CABIN1: variants seen among roughly 807,000 people sequenced by gnomAD.
CABIN1 encodes calcineurin binding protein 1, also known as calcineurin-binding protein cabin-1.
In CABIN1, 133 loss-of-function variants were observed where a neutral mutation model predicts 227.7. That is an observed-to-expected ratio of 0.58 (90% CI 0.51 to 0.67). CABIN1 has a LOEUF of 0.67. Among genes scored for constraint, CABIN1 ranks in the 30% least tolerant of loss-of-function variants. The probability of loss-of-function intolerance (pLI) is 0.00; values close to 1 mark genes in which losing one functional copy is unlikely to be tolerated. For missense variants in CABIN1, 2,408 were observed against 2,852.5 expected, an observed-to-expected ratio of 0.84 and a Z score of 3.55; for synonymous variants, 1,086 against 1,155.1, an observed-to-expected ratio of 0.94 and a Z score of 1.21.
At chr22:24,161,037 G>A (rs2148624479) in intron 29 of CABIN1, among the ~76,000 whole-genome samples, 1 of 152,326 alleles carries the variant, frequency 6.6e-6, no homozygotes, top group Non-Finnish European at 1.5e-5. Flanking sequence ...AAGAGCAGAG[G>A]GAAGACCACC....
chr22:24,062,953 T>G lies in CABIN1; in HGVS notation c.1697-6T>G, dbSNP rs2039304932. On this transcript the variant is annotated splice_polypyrimidine_tract_variant and splice_region_variant and intron_variant, in intron 13 of 36. Coordinates refer to ENST00000263119, the MANE Select transcript of CABIN1 (RefSeq NM_012295.4). Reference sequence around the variant, plus strand: ...GAAGTTGACTCGTTGGCCTGATGGTTTTTAGTGTCTCCTCGGAACTGCCCT... The same window carrying G: ...GAAGTTGACTCGTTGGCCTGATGGTGTTTAGTGTCTCCTCGGAACTGCCCT... 6.2e-7 allele frequency: 1 copy of G among 1,613,870 alleles called. No individual in the cohort carries two copies. Among genetic ancestry groups the G allele is most frequent in the Non-Finnish European group, 8.5e-7 (1 of 1,179,854 alleles).
rs1447282180 is a variant in CABIN1, at chr22:24,071,005, C to A, written c.2438C>A (p.Thr813Asn). ...SGSILKVSSS[T>N]TGLVRLTNNL... ...AGCATCCTGAAGGTATCATCCTCCA[C>A]CACTGGCCTTGTGCGGCTCACCAAC... The change falls in exon 17 of 37, where the codon ACC becomes AAC. Residue 813 changes from threonine (T) to asparagine (N), a missense_variant. By Grantham distance (65) the Thr-to-Asn change is moderately conservative (BLOSUM62 0). This residue lies in a region of CABIN1 where 1,045 missense variants were observed against 1,168.4 expected (regional missense o/e 0.89). Transcript: ENST00000263119. 4 of 1,614,264 alleles carry A rather than the reference C, an allele frequency of 2.5e-6. No individual in the cohort carries two copies. Among genetic ancestry groups the A allele is most frequent in the Middle Eastern group, 3.3e-4 (2 of 6,062 alleles).
intron 29 of CABIN1, among the ~76,000 whole-genome samples, chr22:24,142,381 A>G (rs1478239314): frequency 1.3e-5 from 2 of 151,684 alleles, no homozygotes; most frequent in African/African-American, 4.8e-5. Flanking sequence ...CCTAGGACGA[A>G]TGACTGGGAA....
chr22:24,060,913 T>C (rs186069440), intron 12 of CABIN1, among the ~76,000 whole-genome samples: 1 of 151,778 alleles, frequency 6.6e-6, no homozygotes, highest in Non-Finnish European at 1.5e-5. Context: ...AAAAAAAAAA[T>C]TTGTTTTGTT....
At chr22:24,032,305 G>A (rs1481155517) in intron 1 of CABIN1, among the ~76,000 whole-genome samples, 2 of 152,196 alleles carry the variant, frequency 1.3e-5, no homozygotes, top group African/African-American at 4.8e-5. Context: ...TCATGTTGTA[G>A]CATGTGCTAG....
intron 20 of CABIN1, 37 bp downstream of exon 20, chr22:24,083,426 C>G: frequency 1.9e-6 from 3 of 1,611,300 alleles, no homozygotes; most frequent in Non-Finnish European, 2.5e-6. Context: ...AAGAGGGAAG[C>G]AGGAGCTGTA....
intron 18 of CABIN1, among the ~76,000 whole-genome samples, chr22:24,072,954 C>T (rs2040196215): frequency 6.6e-6 from 1 of 152,196 alleles, no homozygotes; most frequent in South Asian, 2.1e-4. Flanking sequence ...ATAACTTCAG[C>T]CTCTATTTCC....
chr22:24,121,405 C>T (rs1739272049), intron 28 of CABIN1, among the ~76,000 whole-genome samples: 1 of 152,204 alleles, frequency 6.6e-6, no homozygotes, highest in Non-Finnish European at 1.5e-5. Context: ...GAGGGAGTCT[C>T]ATCATCTGGG....
intron 1 of CABIN1, among the ~76,000 whole-genome samples, chr22:24,024,618 C>G (rs951954432): frequency 1.3e-5 from 2 of 152,108 alleles, no homozygotes; most frequent in Non-Finnish European, 2.9e-5. Context: ...CTACCCCTTT[C>G]TCTCTTCTCC....
intron 16 of CABIN1, among the ~76,000 whole-genome samples, chr22:24,070,131 G>A (rs1291723176): frequency 6.6e-6 from 1 of 151,918 alleles, no homozygotes; most frequent in African/African-American, 2.4e-5. Flanking sequence ...TAAAATAGAA[G>A]TAACAGTTCA....
In CABIN1 at chr22:24,166,757, C is replaced by G; in HGVS notation, c.5126C>G (p.Pro1709Arg). 1.2e-6 allele frequency: 2 copies of G among 1,612,846 alleles called. No individual in the cohort carries two copies. The highest frequency in any genetic ancestry group is 1.1e-5 in the South Asian group (1 of 91,084). The change falls in exon 32 of 37, where the codon CCC becomes CGC. Residue 1709 changes from proline to arginine, a missense_variant. By Grantham distance (103) the Pro-to-Arg change is moderately radical. Coordinates refer to ENST00000263119, the MANE Select transcript of CABIN1 (RefSeq NM_012295.4). The part of the protein sequence containing the change: ...GQEGLPQPKK[P>R]PLADGSGPGP... ...GAGGGCCTCCCCCAGCCGAAGAAGC[C>G]CCCTCTGGCTGATGGCTCAGGGCCA...
At chr22:24,055,283 T>A in intron 9 of CABIN1, 124 bp downstream of exon 9, 2 of 1,157,768 alleles carry the variant, frequency 1.7e-6, no homozygotes, top group South Asian at 1.5e-5. Flanking sequence ...ATGACTCAAG[T>A]GGAAGTGGGA....
intron 29 of CABIN1, among the ~76,000 whole-genome samples, chr22:24,153,002 G>A (rs897959936): frequency 3.9e-5 from 6 of 152,176 alleles, no homozygotes; most frequent in Admixed American, 1.3e-4. Context: ...CCTTGGAAGG[G>A]ATGGCTATAG....
chr22:24,143,226 C>T (rs2044883377), intron 29 of CABIN1, among the ~76,000 whole-genome samples: 1 of 152,180 alleles, frequency 6.6e-6, no homozygotes, highest in Admixed American at 6.5e-5. Context: ...GGTTCCTACA[C>T]CGGGATTGGC....
chr22:24,140,874 C>T (rs1251543152), intron 29 of CABIN1, among the ~76,000 whole-genome samples: 3 of 152,226 alleles, frequency 2.0e-5, no homozygotes, highest in South Asian at 2.1e-4. Context: ...CTGCTCCTGC[C>T]GCTGCTCAGG....
intron 28 of CABIN1, among the ~76,000 whole-genome samples, chr22:24,120,953 G>A (rs1288665322): frequency 1.3e-5 from 2 of 152,228 alleles, no homozygotes; most frequent in African/African-American, 4.8e-5. Context: ...CTTTTGTGCT[G>A]AGACCTGTAT....
In CABIN1 at chr22:24,134,315, C is replaced by G. The variant is rs1301737681; in HGVS notation, c.4646C>G (p.Ala1549Gly). ...TTGTTTCCCCAGAACCTCCAGTGGG[C>G]CCGCGACGTGTTGCTAGGCAGCAGT... ...YSKTHRNLQW[A>G]RDVLLGSSIP... The change falls in exon 29 of 37, where the codon GCC (alanine) becomes GGC (glycine). Residue 1549 changes from alanine to glycine, a missense_variant. Coordinates refer to ENST00000263119, the MANE Select transcript of CABIN1 (RefSeq NM_012295.4). The G allele has an allele frequency of 6.2e-7, 1 of 1,613,768 alleles. No individual in the cohort carries two copies. Among genetic ancestry groups the G allele is most frequent in the Non-Finnish European group, 8.5e-7 (1 of 1,179,746 alleles).
rs184468048 is a variant in CABIN1 at position 24,126,074 on chromosome 22, C to G, written c.4632+6376C>G. 3.3e-4 allele frequency among the ~76,000 whole-genome samples: 51 copies of G among 152,354 alleles called. No homozygotes were observed. In the East Asian group the frequency reaches 6.5e-3, roughly 20 times the overall value. ...GAAAAGAGAATGAAACTACCCACAA[C>G]TGTCCCACAAGCCATGACATGGCAG... On this transcript the variant is annotated intron_variant, in intron 28 of 36. Coordinates refer to ENST00000263119, the MANE Select transcript of CABIN1 (RefSeq NM_012295.4).
At chr22:24,063,855 C>T (rs776970069) in intron 14 of CABIN1, among the ~76,000 whole-genome samples, 180 bp from the exon 15 acceptor site, 6 of 152,156 alleles carry the variant, frequency 3.9e-5, no homozygotes, top group Non-Finnish European at 8.8e-5. Flanking sequence ...TTCATTTAGT[C>T]AACAAGTATT....
Sources: gnomAD v4.1 joint callset for allele counts (sites outside exome capture counted in the v4.1 genomes callset) on GRCh38, gnomAD v4.1.1 for gene constraint, gnomAD v4.1.1 regional missense constraint, MANE v1.5 for transcripts, NCBI Gene and HGNC (gene_info 2026-07-23, HGNC 2026-07-21) for gene names.